ALDH3A2: variants seen among roughly 807,000 people sequenced by gnomAD.
The protein encoded by ALDH3A2 is aldehyde dehydrogenase 3 family member A2, also known as aldehyde dehydrogenase family 3 member A2.
Under a neutral mutation model 51.3 loss-of-function variants are expected in ALDH3A2, and 36 were observed. The ratio of observed to expected loss-of-function variants is 0.70; its 90% confidence interval spans 0.54 to 0.93. ALDH3A2 has a LOEUF of 0.93. Ranked by LOEUF, ALDH3A2 falls within the 40% of genes least tolerant of loss-of-function variation. ALDH3A2 has a pLI of 0.00. For synonymous variants in ALDH3A2, 199 were observed against 219.8 expected (o/e 0.91, Z 0.84); for missense variants, 552 against 603.1 (o/e 0.92, Z 0.89).
chr17:19,672,400 G>A (rs1310498419), intron 9 of ALDH3A2: 2 of 197,812 alleles, frequency 1.0e-5, no homozygotes, highest in Non-Finnish European at 2.1e-5. Context: ...TACCACAGAG[G>A]TGAAGGCAAG....
In ALDH3A2 at chr17:19,659,053, A is replaced by G. The variant is rs530685496; in HGVS notation, c.798+1191A>G. 3.1e-4 allele frequency among the ~76,000 whole-genome samples: 47 copies of G among 152,048 alleles called. 1 individual carries two copies. In the South Asian group the frequency reaches 9.6e-3, roughly 31 times the overall value. ...TAGAGACCAGTTTGGCCAACATGGC[A>G]AAACCCATCTCTACTAAAATTACAA... On this transcript the variant is annotated intron_variant, in intron 5 of 9. Transcript: ENST00000176643.
At chr17:19,672,064 G>A (rs2085124187) in intron 9 of ALDH3A2, 108 bp downstream of exon 9, 1 of 1,088,870 alleles carries the variant, frequency 9.2e-7, no homozygotes, top group Admixed American at 1.8e-5. Context: ...CTAAGACAGG[G>A]TCAGTGAACC....
chr17:19,663,514 G>T lies in ALDH3A2; in HGVS notation c.1107+15G>T. On this transcript the variant is annotated intron_variant, in intron 7 of 9. Transcript: ENST00000176643. Reference sequence around the variant, plus strand: ...ATAACCATAAGGTAAGCTTTAGAGAGAACAGCTAGTTAGCATAAGCAACTG... The same window carrying T: ...ATAACCATAAGGTAAGCTTTAGAGATAACAGCTAGTTAGCATAAGCAACTG... 1 of 1,613,344 alleles carries T rather than the reference G, an allele frequency of 6.2e-7. No homozygotes were observed. Among genetic ancestry groups the T allele is most frequent in the South Asian group, 1.1e-5 (1 of 90,876 alleles).
At chr17:19,670,980 A>G (rs1470494543) in intron 8 of ALDH3A2, among the ~76,000 whole-genome samples, 2 of 152,064 alleles carry the variant, frequency 1.3e-5, no homozygotes, top group Admixed American at 6.5e-5. Context: ...GCCTTGGTAA[A>G]CTGCTCCCTG....
At chr17:19,663,842 T>C (rs1170645027) in intron 7 of ALDH3A2, among the ~76,000 whole-genome samples, 1 of 152,234 alleles carries the variant, frequency 6.6e-6, no homozygotes, top group African/African-American at 2.4e-5. Flanking sequence ...AGGGCATTGC[T>C]GAATAACAGC....
chr17:19,650,933 G>A (rs1318707139), intron 1 of ALDH3A2, among the ~76,000 whole-genome samples: 1 of 152,210 alleles, frequency 6.6e-6, no homozygotes, highest in East Asian at 1.9e-4. Context: ...GAAAGGGGCT[G>A]TGATATTAAA....
intron 9 of ALDH3A2, chr17:19,672,320 T>C: frequency 3.5e-6 from 1 of 288,142 alleles, no homozygotes; most frequent in South Asian, 4.5e-5. Flanking sequence ...GGGTTAGCCC[T>C]TTGATCCTTT....
At chr17:19,653,366 G>A (rs548515751) in intron 3 of ALDH3A2, among the ~76,000 whole-genome samples, 81 of 152,202 alleles carry the variant, frequency 5.3e-4, no homozygotes, top group African/African-American at 1.9e-3. Context: ...GTGGGTTCTC[G>A]GTCTCACTGA....
chr17:19,663,683 G>T (rs936706985), intron 7 of ALDH3A2, among the ~76,000 whole-genome samples, 184 bp downstream of exon 7: 1 of 152,316 alleles, frequency 6.6e-6, no homozygotes, highest in Admixed American at 6.5e-5. Context: ...AGACTCTGGG[G>T]TTATCACAGC....
chr17:19,652,722 G>A lies in ALDH3A2; in HGVS notation c.471+90G>A, dbSNP rs559616929. 1.4e-5 allele frequency: 16 copies of A among 1,153,970 alleles called. No homozygotes were observed. The East Asian group carries it at 1.6e-4, about 12-fold the overall frequency. The allele number at this position is 1,153,970 out of a possible 1,614,324, so 71.5% of individuals were successfully genotyped here. A position where few individuals can be genotyped will look rare whatever the true frequency, so the allele number is the denominator to read the frequency against. ...TTGCTATTGCATGTTATTGCTGGCC[G>A]GGGACCCAATTGCAGTCTCTTTAAG... On this transcript the variant is annotated intron_variant, in intron 3 of 9. Transcript: ENST00000176643.
chr17:19,653,084 A>G (rs1196942178), intron 3 of ALDH3A2, among the ~76,000 whole-genome samples: 1 of 149,748 alleles, frequency 6.7e-6, no homozygotes, highest in Non-Finnish European at 1.5e-5. Flanking sequence ...TTGCTCTGTC[A>G]CCCAGGCTGT....
chr17:19,653,874 C>T (rs1194822153), intron 3 of ALDH3A2, among the ~76,000 whole-genome samples: 1 of 152,134 alleles, frequency 6.6e-6, no homozygotes, highest in Non-Finnish European at 1.5e-5. Context: ...CTGATTGGTC[C>T]GTTTTGACAG....
intron 5 of ALDH3A2, among the ~76,000 whole-genome samples, chr17:19,658,094 T>C (rs981304081): frequency 3.3e-5 from 5 of 152,254 alleles, no homozygotes; most frequent in South Asian, 4.1e-4. Context: ...GATTTGTTGA[T>C]GATTAGTTGT....
In ALDH3A2 at chr17:19,675,758, T is replaced by G; in HGVS notation, c.*186T>G. 1 of 691,542 alleles carries G rather than the reference T, an allele frequency of 1.4e-6. No homozygotes were observed. The allele number at this position is 691,542 out of a possible 1,614,324, so 42.8% of individuals were successfully genotyped here. ...TTGCCATTTCAACTACGTCCCAACA[T>G]TCCCTAATAGGGTATTCAGGGAACC... On this transcript the variant is annotated 3_prime_UTR_variant, in exon 10 of 10. Coordinates refer to ENST00000176643, the MANE Select transcript of ALDH3A2 (RefSeq NM_000382.3).
At chr17:19,660,912 C>T (rs1332470824) in intron 5 of ALDH3A2, among the ~76,000 whole-genome samples, 1 of 152,090 alleles carries the variant, frequency 6.6e-6, no homozygotes, top group Admixed American at 6.6e-5. Flanking sequence ...TGACAGATCT[C>T]TGTGTGTGTG....
intron 6 of ALDH3A2, chr17:19,661,508 CT>C: frequency 2.1e-6 from 1 of 485,494 alleles, no homozygotes; most frequent in South Asian, 2.5e-5. Flanking sequence ...CACATAACTC[CT>C]TTTTTCCTCC....
chr17:19,669,777 A>G (rs2085087265), intron 8 of ALDH3A2, among the ~76,000 whole-genome samples: 1 of 151,960 alleles, frequency 6.6e-6, no homozygotes, highest in Admixed American at 6.6e-5. Flanking sequence ...TGGGATTACA[A>G]GGGTGCACCA....
chr17:19,652,651 A>G lies in ALDH3A2; in HGVS notation c.471+19A>G, dbSNP rs2084832057. On this transcript the variant is annotated intron_variant, in intron 3 of 9. Transcript: ENST00000176643. ...AGACCAGGTAAGAATTTCTTGACTC[A>G]TCTCCAACATATGTGTTTACTGTGG... 1.1e-5 allele frequency: 17 copies of G among 1,556,954 alleles called. No homozygotes were observed. Among genetic ancestry groups the G allele is most frequent in the Non-Finnish European group, 1.5e-5 (17 of 1,127,904 alleles).
chr17:19,669,072 A>G (rs919852482), intron 8 of ALDH3A2, among the ~76,000 whole-genome samples: 8 of 151,782 alleles, frequency 5.3e-5, no homozygotes, highest in African/African-American at 1.9e-4. Flanking sequence ...CGAGGCAGGT[A>G]GATCACCCGA....
Sources: gnomAD v4.1 joint callset for allele counts (sites outside exome capture counted in the v4.1 genomes callset) on GRCh38, gnomAD v4.1.1 for gene constraint, MANE v1.5 for transcripts, NCBI Gene and HGNC (gene_info 2026-07-23, HGNC 2026-07-21) for gene names.